The following KAZN variants were observed in gnomAD, a reference collection of about 807,000 sequenced individuals.
KAZN encodes the protein kazrin, periplakin interacting protein.
A neutral mutation model predicts 87.4 loss-of-function variants in KAZN; 40 were observed. That is an observed-to-expected ratio of 0.46 (90% CI 0.36 to 0.60). The LOEUF is 0.60. Among genes scored for constraint, KAZN ranks in the 20% least tolerant of loss-of-function variants. The pLI is 0.00. For synonymous variants in KAZN, 466 were observed against 458.3 expected (o/e 1.02, Z -0.22); for missense variants, 898 against 1,073.9 (o/e 0.84, Z 2.29).
intron 2 of KAZN, among the ~76,000 whole-genome samples, chr1:14,238,518 G>A (rs1648625790): frequency 1.3e-5 from 2 of 152,228 alleles, no homozygotes; most frequent in Non-Finnish European, 2.9e-5. Context: ...ATCAGGCCTG[G>A]TGGTCACATA....
rs1666914869 is a variant in KAZN at position 14,445,197 on chromosome 1, T to C, written c.250-153786T>C. Among the ~76,000 whole-genome samples the C allele has an allele frequency of 2.6e-5, 4 of 152,246 alleles. No homozygotes were observed. In the South Asian group the frequency reaches 8.3e-4, roughly 32 times the overall value. ...TGGGCCACCATGCCTGGCTAATTTTTGTGTTTTTAGTAGAGGCGGGGTTTC... is the reference window on the plus strand; with the variant it reads ...TGGGCCACCATGCCTGGCTAATTTTCGTGTTTTTAGTAGAGGCGGGGTTTC... On this transcript the variant is annotated intron_variant, in intron 2 of 16. Transcript: ENST00000636203.
chr1:14,776,814 C>T (rs1354072140), intron 1 of KAZN, among the ~76,000 whole-genome samples: 1 of 151,724 alleles, frequency 6.6e-6, no homozygotes, highest in African/African-American at 2.4e-5. Flanking sequence ...CGCATACCTG[C>T]AGTCCTAGCT....
chr1:14,471,844 A>G (rs1309510939), intron 2 of KAZN, among the ~76,000 whole-genome samples: 1 of 152,242 alleles, frequency 6.6e-6, no homozygotes, highest in Non-Finnish European at 1.5e-5. Context: ...AAACTGCTTA[A>G]CTTAGGTCTA....
chr1:14,646,455 G>A (rs1198399758), intron 1 of KAZN, among the ~76,000 whole-genome samples: 4 of 152,174 alleles, frequency 2.6e-5, no homozygotes, highest in Non-Finnish European at 5.9e-5. Context: ...CAGAAAAGAA[G>A]CATGGTGATA....
chr1:14,011,883 T>A lies in KAZN; in HGVS notation c.91+118127T>A, dbSNP rs1640330848. ...TACAGGCTGGCAGATGTTCTCACGATTACCTTGAATCACATCTGTCTCCTG... is the reference window on the plus strand; with the variant it reads ...TACAGGCTGGCAGATGTTCTCACGAATACCTTGAATCACATCTGTCTCCTG... On this transcript the variant is annotated intron_variant, in intron 1 of 16. Transcript: ENST00000636203. 2.0e-5 allele frequency among the ~76,000 whole-genome samples: 3 copies of A among 152,210 alleles called. 1 individual carries two copies. The South Asian group carries it at 6.2e-4, about 32-fold the overall frequency.
At chr1:14,178,124 C>T (rs1646124247) in intron 1 of KAZN, among the ~76,000 whole-genome samples, 1 of 152,134 alleles carries the variant, frequency 6.6e-6, no homozygotes, top group African/African-American at 2.4e-5. Context: ...CCTGCTGGCA[C>T]TCATTCTCTC....
chr1:14,749,259 G>A (rs1343328853), intron 1 of KAZN, among the ~76,000 whole-genome samples: 1 of 152,172 alleles, frequency 6.6e-6, no homozygotes, highest in African/African-American at 2.4e-5. Flanking sequence ...CAATTGACTA[G>A]GGAGTTGAAA....
At chr1:15,109,056 A>G (rs1213460427) in intron 13 of KAZN, among the ~76,000 whole-genome samples, 1 of 152,124 alleles carries the variant, frequency 6.6e-6, no homozygotes, top group East Asian at 1.9e-4. Flanking sequence ...TGTCTACAGA[A>G]AGACAACCAC....
chr1:14,090,693 G>T (rs1420084693), intron 1 of KAZN, among the ~76,000 whole-genome samples: 2 of 152,162 alleles, frequency 1.3e-5, no homozygotes, highest in Admixed American at 6.5e-5. Context: ...TACACTGACT[G>T]GTGGGAAAAT....
intron 1 of KAZN, among the ~76,000 whole-genome samples, chr1:14,952,143 G>C (rs1293525699): frequency 6.6e-6 from 1 of 152,196 alleles, no homozygotes; most frequent in Non-Finnish European, 1.5e-5. Flanking sequence ...CATGGAGACA[G>C]TGGCAGGTCA....
At chr1:14,965,208 C>T (rs933749877) in intron 2 of KAZN, among the ~76,000 whole-genome samples, 4 of 151,970 alleles carry the variant, frequency 2.6e-5, no homozygotes, top group Admixed American at 6.6e-5. Context: ...TTTGTAGAGA[C>T]GGAGGCTTGC....
chr1:14,978,126 C>T (rs1315549053), intron 2 of KAZN, among the ~76,000 whole-genome samples: 2 of 152,160 alleles, frequency 1.3e-5, no homozygotes, highest in African/African-American at 2.4e-5. Context: ...GCCTTCCTCA[C>T]GTCCTCCCAT....
intron 1 of KAZN, among the ~76,000 whole-genome samples, chr1:14,163,721 A>G (rs1423513424): frequency 2.0e-5 from 3 of 152,142 alleles, no homozygotes; most frequent in Non-Finnish European, 2.9e-5. Flanking sequence ...GTTGCCTGAC[A>G]TTCCTGCGTG....
intron 13 of KAZN, among the ~76,000 whole-genome samples, chr1:15,108,450 C>T (rs1368788134): frequency 6.6e-6 from 1 of 152,234 alleles, no homozygotes; most frequent in African/African-American, 2.4e-5. Context: ...TTTACCCTCT[C>T]TGAGCCACGG....
At chr1:14,309,890 A>C (rs1655168739) in intron 2 of KAZN, among the ~76,000 whole-genome samples, 2 of 152,178 alleles carry the variant, frequency 1.3e-5, no homozygotes, top group South Asian at 2.1e-4. Flanking sequence ...TTAAAAAAAA[A>C]AAATTCTGCA....
Position 15,056,324 on chromosome 1 carries a change from T to C in KAZN, c.916+44T>C. On this transcript the variant is annotated intron_variant, in intron 5 of 14. Coordinates refer to ENST00000376030, the MANE Select transcript of KAZN (RefSeq NM_201628.3). This position sits in a 1 kb window ranked among gnomAD's most constrained non-coding sequence, Gnocchi z 5.4. ...TGGCTCCACCACGGCTTCGAGGGGC[T>C]TCACAGGAGGCCATCTGACCCAGTG... 1 of 1,543,202 alleles carries C rather than the reference T, an allele frequency of 6.5e-7. No homozygotes were observed. The highest frequency in any genetic ancestry group is 8.8e-7 in the Non-Finnish European group (1 of 1,136,296).
chr1:14,528,071 C>T (rs1671996589), intron 2 of KAZN, among the ~76,000 whole-genome samples: 1 of 151,946 alleles, frequency 6.6e-6, no homozygotes, highest in African/African-American at 2.4e-5. Flanking sequence ...ACCTATCTAT[C>T]TTCCTCTCCA....
Position 14,172,628 on chromosome 1 carries a change from C to A in KAZN, c.92-7807C>A, listed in dbSNP as rs561872073. On this transcript the variant is annotated intron_variant, in intron 1 of 16. Transcript: ENST00000636203. Reference sequence around the variant, plus strand: ...AATCAATACCTTATTATGCTCTCAGCTTTGTGGGCCAGGAATTTGGGTATT... The same window carrying A: ...AATCAATACCTTATTATGCTCTCAGATTTGTGGGCCAGGAATTTGGGTATT... Among the ~76,000 whole-genome samples, 8 of 152,342 alleles carry A rather than the reference C, an allele frequency of 5.3e-5. No individual in the cohort carries two copies. In the East Asian group the frequency reaches 1.5e-3, roughly 29 times the overall value.
At chr1:14,737,988 A>G (rs540913552) in intron 1 of KAZN, among the ~76,000 whole-genome samples, 2 of 152,220 alleles carry the variant, frequency 1.3e-5, no homozygotes, top group Non-Finnish European at 2.9e-5. Flanking sequence ...ATCCCATCAC[A>G]TTCACAGGTT....
Sources: allele counts gnomAD v4.1 joint callset (sites outside exome capture counted in the v4.1 genomes callset), GRCh38; gene constraint gnomAD v4.1.1; non-coding constraint Gnocchi (gnomAD v3.1); transcripts MANE v1.5; gene names NCBI Gene and HGNC (gene_info 2026-07-23, HGNC 2026-07-21).